SLC9A8: variants seen among roughly 807,000 people sequenced by gnomAD.
The protein encoded by SLC9A8 is solute carrier family 9 member A8.
SLC9A8 carries 48 observed loss-of-function variants against 66.6 expected under a neutral mutation model. The ratio of observed to expected loss-of-function variants is 0.72; its 90% CI spans 0.57 to 0.92. SLC9A8 has a LOEUF of 0.92. SLC9A8 is among the 40% of genes least tolerant of loss of function. SLC9A8 has a pLI of 0.00. For missense variants in SLC9A8, 599 were observed against 747.3 expected (o/e 0.80, Z 2.31); for synonymous variants, 274 against 282.6 (o/e 0.97, Z 0.31).
chr20:49,885,259 C>CA (rs2089848488), intron 14 of SLC9A8, among the ~76,000 whole-genome samples: 1 of 152,222 alleles, frequency 6.6e-6, no homozygotes, highest in Non-Finnish European at 1.5e-5. Flanking sequence ...GGGCTTGCTA[C>CA]ACACAGGCTG....
intron 8 of SLC9A8, among the ~76,000 whole-genome samples, chr20:49,859,151 C>T (rs1351831491): frequency 6.6e-6 from 1 of 152,216 alleles, no homozygotes; most frequent in East Asian, 1.9e-4. Flanking sequence ...AGCACTGCCA[C>T]TGCTGAGACC....
chr20:49,843,191 TG>T (rs915305132), intron 4 of SLC9A8, among the ~76,000 whole-genome samples: 2 of 151,242 alleles, frequency 1.3e-5, no homozygotes, highest in Non-Finnish European at 3.0e-5. Flanking sequence ...TCCTTTTTCC[TG>T]GGGTGGGGGG....
At chr20:49,847,382 C>CTT (rs11334417) in intron 5 of SLC9A8, among the ~76,000 whole-genome samples, 6 of 113,940 alleles carry the variant, frequency 5.3e-5, no homozygotes, top group East Asian at 2.6e-4. Context: ...TTTTTCTTTT[C>CTT]TTTTTTTTTT....
At chr20:49,828,556 G>T (rs1274746389) in intron 3 of SLC9A8, among the ~76,000 whole-genome samples, 1 of 149,228 alleles carries the variant, frequency 6.7e-6, no homozygotes, top group Non-Finnish European at 1.5e-5. Context: ...AAAAAAAAAG[G>T]GCCTGGCACA....
At chr20:49,877,785 A>G (rs2089478755) in intron 11 of SLC9A8, among the ~76,000 whole-genome samples, 196 bp from the exon 12 acceptor site, 1 of 152,232 alleles carries the variant, frequency 6.6e-6, no homozygotes. Flanking sequence ...TACCAGGGAC[A>G]TGTAGCTTAT....
chr20:49,840,928 G>A (rs1235470368), intron 4 of SLC9A8, among the ~76,000 whole-genome samples: 3 of 150,842 alleles, frequency 2.0e-5, no homozygotes, highest in African/African-American at 7.3e-5. Context: ...ACCAGCCTGG[G>A]CAACATGGTG....
intron 11 of SLC9A8, 145 bp downstream of exon 11, chr20:49,874,966 G>A (rs2089367814): frequency 1.5e-6 from 1 of 659,974 alleles, no homozygotes; most frequent in East Asian, 2.5e-5. Context: ...CTTATCTTTT[G>A]TTTGTTCCTC....
intron 8 of SLC9A8, 33 bp downstream of exon 8, chr20:49,855,614 A>G (rs926713792): frequency 6.2e-7 from 1 of 1,602,948 alleles, no homozygotes; most frequent in Non-Finnish European, 8.5e-7. Context: ...GACTTTTTTC[A>G]TGTGACAGAA....
intron 13 of SLC9A8, among the ~76,000 whole-genome samples, chr20:49,882,940 G>A (rs1048333381): frequency 4.6e-5 from 7 of 152,108 alleles, no homozygotes; most frequent in African/African-American, 1.7e-4. Context: ...CTACCCCATG[G>A]TGATGTGAGC....
intron 3 of SLC9A8, among the ~76,000 whole-genome samples, chr20:49,827,604 GA>G (rs75265328): frequency 0.011 from 1,196 of 104,442 alleles, 5 homozygotes; most frequent in Middle Eastern, 0.049. Flanking sequence ...ACTGCATCTC[GA>G]AAAAAAAAAA....
intron 3 of SLC9A8, chr20:49,830,598 C>A: frequency 1.6e-6 from 1 of 610,626 alleles, no homozygotes; most frequent in South Asian, 1.9e-5. Context: ...CTCAGGGAAT[C>A]AGCAGCTTTC....
chr20:49,837,975 A>G (rs1485030391), intron 3 of SLC9A8, among the ~76,000 whole-genome samples: 1 of 152,200 alleles, frequency 6.6e-6, no homozygotes. Flanking sequence ...ATGTTGAACA[A>G]AATAGCAAGT....
At chr20:49,887,793 G>C in intron 15 of SLC9A8, 36 bp from the exon 16 acceptor site, 1 of 1,520,234 alleles carries the variant, frequency 6.6e-7, no homozygotes, top group Non-Finnish European at 9.0e-7. Context: ...CCCTGCCCCT[G>C]ACGCCCTGAC....
intron 2 of SLC9A8, 101 bp from the exon 3 acceptor site, chr20:49,822,948 ATTGTCCATTTCT>A: frequency 1.2e-6 from 1 of 803,524 alleles, no homozygotes; most frequent in South Asian, 1.5e-5. Context: ...TGTTATTCCA[ATTGTCCATTTCT>A]GTGAGGACCC....
intron 3 of SLC9A8, among the ~76,000 whole-genome samples, chr20:49,831,579 C>T (rs1470324437): frequency 6.6e-6 from 1 of 152,132 alleles, no homozygotes; most frequent in African/African-American, 2.4e-5. Context: ...CCACAGCTTC[C>T]CCAAGAGCGA....
rs1351567289 is a variant in SLC9A8, at chr20:49,862,995, C to T, written c.780C>T (p.Ala260=). Residue 260 remains alanine, a synonymous_variant, in exon 9 of 16, where the codon GCC becomes GCT. Transcript: ENST00000361573. Reference sequence around the variant, plus strand: ...GTGGGTGGCAAACATTTTTACAAGCCCTTGACTACTTCCTCAAAATGTTCT... The same window carrying T: ...GTGGGTGGCAAACATTTTTACAAGCTCTTGACTACTTCCTCAAAATGTTCT... ...DVSGWQTFLQ[A]LDYFLKMFFG... is the part of the protein sequence containing the mutation. 1 of 1,613,492 alleles carries T rather than the reference C, an allele frequency of 6.2e-7. No homozygotes were observed. Among genetic ancestry groups the T allele is most frequent in the Non-Finnish European group, 8.5e-7 (1 of 1,179,618 alleles).
chr20:49,855,224 G>A (rs1368397312), intron 7 of SLC9A8, among the ~76,000 whole-genome samples: 2 of 152,152 alleles, frequency 1.3e-5, no homozygotes, highest in Non-Finnish European at 2.9e-5. Flanking sequence ...TAGAAAACCA[G>A]GCCATTCCTA....
At chr20:49,831,442 T>C (rs1202192877) in intron 3 of SLC9A8, among the ~76,000 whole-genome samples, 1 of 151,838 alleles carries the variant, frequency 6.6e-6, no homozygotes, top group Non-Finnish European at 1.5e-5. Flanking sequence ...TGTCTCTCTC[T>C]CTCTCACCCC....
chr20:49,884,289 G>GACACACACACACGACACAC (rs2089789859), intron 14 of SLC9A8: 2 of 36,862 alleles, frequency 5.4e-5, no homozygotes, highest in African/African-American at 4.5e-4. Flanking sequence ...ACACACACAC[G>GACACACACACACGACACAC]ACACACACAC....
Sources: gnomAD v4.1 joint callset for allele counts (sites outside exome capture counted in the v4.1 genomes callset) on GRCh38, gnomAD v4.1.1 for gene constraint, MANE v1.5 for transcripts, NCBI Gene and HGNC (gene_info 2026-07-23, HGNC 2026-07-21) for gene names.